The following FBXO4 variants were observed in gnomAD, a reference collection of about 807,000 sequenced individuals.
FBXO4 encodes F-box only protein 4.
In FBXO4, 36 loss-of-function variants were observed where a neutral mutation model predicts 43.7. The observed-to-expected ratio is 0.82, with a 90% CI of 0.63 to 1.09. FBXO4 has a LOEUF of 1.09. Ranked by LOEUF, FBXO4 falls within the 50% of genes least tolerant of loss-of-function variation. The probability of loss-of-function intolerance (pLI) is 0.00; values close to 1 mark genes in which losing one functional copy is unlikely to be tolerated. For synonymous variants in FBXO4, 180 were observed against 165.6 expected (o/e 1.09, Z -0.67); for missense variants, 435 against 474.1 (o/e 0.92, Z 0.77).
chr5:41,930,978 C>T (rs1383326212), intron 3 of FBXO4, among the ~76,000 whole-genome samples: 1 of 152,198 alleles, frequency 6.6e-6, no homozygotes, highest in Non-Finnish European at 1.5e-5. Flanking sequence ...TCTAAAAGCA[C>T]AAAGCTCTGG....
intron 6 of FBXO4, among the ~76,000 whole-genome samples, chr5:41,940,715 C>A (rs763324763): frequency 6.6e-6 from 1 of 152,200 alleles, no homozygotes. Flanking sequence ...TTCCCTGGAG[C>A]TCCAAAGACT....
chr5:42,010,948 A>G, the FBXO4 span, among the ~76,000 whole-genome samples: 4 of 152,006 alleles, frequency 2.6e-5, no homozygotes, highest in African/African-American at 9.7e-5. Flanking sequence ...ACATAGGTAT[A>G]TACGTGCCAT....
chr5:41,931,354 GTTTT>G (rs1751682406), intron 3 of FBXO4, among the ~76,000 whole-genome samples: 1 of 152,238 alleles, frequency 6.6e-6, no homozygotes, highest in South Asian at 2.1e-4. Flanking sequence ...TCTGACTTGA[GTTTT>G]TTGTTGGATG....
At chr5:42,015,278 G>A in the FBXO4 span, among the ~76,000 whole-genome samples, 1 of 152,228 alleles carries the variant, frequency 6.6e-6, no homozygotes, top group African/African-American at 2.4e-5. Flanking sequence ...TTTTGTGTGT[G>A]TGTGAGTGTG....
the FBXO4 span, among the ~76,000 whole-genome samples, chr5:42,038,018 C>A: frequency 1.3e-5 from 2 of 152,104 alleles, no homozygotes; most frequent in African/African-American, 4.8e-5. Context: ...GAAGCATGGG[C>A]AACCCTTTCA....
At chr5:41,964,988 G>A in the FBXO4 span, among the ~76,000 whole-genome samples, 1 of 152,092 alleles carries the variant, frequency 6.6e-6, no homozygotes, top group Non-Finnish European at 1.5e-5. Flanking sequence ...TATTGCCTAG[G>A]TTTTCTTCTA....
At position 41,927,244 on chromosome 5, in the gene FBXO4, G is replaced by A. The variant is rs1561166954; in HGVS notation, c.421G>A (p.Ala141Thr). The A allele has an allele frequency of 6.3e-6, 10 of 1,578,352 alleles. No individual in the cohort carries two copies. Among genetic ancestry groups the A allele is most frequent in the East Asian group, 4.5e-5 (2 of 44,596 alleles). Residue 141 changes from alanine to threonine, a missense_variant, in exon 2 of 7, where the codon GCA becomes ACA. By Grantham distance (58) the Ala-to-Thr change is moderately conservative. Transcript: ENST00000281623. Reference sequence around the variant, plus strand: ...TGATGGTGCATTTTTTGACTACATGGCAGTGTAAGTATCTAGTTTTATGAA... The same window carrying A: ...TGATGGTGCATTTTTTGACTACATGACAGTGTAAGTATCTAGTTTTATGAA... ...VTDGAFFDYM[A>T]VYRMCCPYTR...
chr5:41,930,053 GT>G lies in FBXO4; in HGVS notation c.646+138del. On this transcript the variant is annotated intron_variant, in intron 3 of 6. Coordinates refer to ENST00000281623, the MANE Select transcript of FBXO4 (RefSeq NM_012176.3). ...CTTTGGTTGTTGGGAGCCCTACCAGGTTCCACTGAACTGACAGAATTAATTT... is the reference window on the plus strand; with the variant it reads ...CTTTGGTTGTTGGGAGCCCTACCAGGTCCACTGAACTGACAGAATTAATTT... The G allele has an allele frequency of 6.0e-6, 4 of 661,790 alleles. No homozygotes were observed. The South Asian group carries it at 8.4e-5, about 14-fold the overall frequency. 41.0% of individuals were successfully genotyped at this position (661,790 alleles called of 1,614,324 possible).
the FBXO4 span, among the ~76,000 whole-genome samples, chr5:41,970,789 T>C: frequency 6.6e-6 from 1 of 151,948 alleles, no homozygotes; most frequent in African/African-American, 2.4e-5. Context: ...TTAAATTTAT[T>C]AAGCTTCTAA....
At chr5:42,028,730 G>A in the FBXO4 span, among the ~76,000 whole-genome samples, 3 of 151,482 alleles carry the variant, frequency 2.0e-5, no homozygotes, top group Admixed American at 2.0e-4. Flanking sequence ...CATGAAGGTT[G>A]CAAATACTAT....
the FBXO4 span, among the ~76,000 whole-genome samples, chr5:41,961,518 G>C: frequency 6.6e-6 from 1 of 152,160 alleles, no homozygotes; most frequent in Non-Finnish European, 1.5e-5. Flanking sequence ...CTGCTCCCCT[G>C]TCAGTAACAG....
the FBXO4 span, among the ~76,000 whole-genome samples, chr5:41,983,363 T>C: frequency 2.9e-4 from 44 of 152,222 alleles, 1 homozygote; most frequent in African/African-American, 8.9e-4. Flanking sequence ...GAAGGAGGGG[T>C]TATTATGCAC....
At chr5:41,940,264 T>C (rs1751971628) in intron 6 of FBXO4, among the ~76,000 whole-genome samples, 1 of 152,104 alleles carries the variant, frequency 6.6e-6, no homozygotes, top group South Asian at 2.1e-4. Flanking sequence ...TTCTAAAATA[T>C]ATTTTATTTA....
At chr5:41,930,012 A>G (rs1404682032) in intron 3 of FBXO4, 95 bp downstream of exon 3, 8 of 1,046,196 alleles carry the variant, frequency 7.6e-6, no homozygotes, top group East Asian at 2.5e-5. Flanking sequence ...ATTATTTGCT[A>G]TAATGAAGTA....
the FBXO4 span, among the ~76,000 whole-genome samples, chr5:42,027,399 C>T: frequency 1.3e-5 from 2 of 151,804 alleles, no homozygotes; most frequent in African/African-American, 4.8e-5. Flanking sequence ...GTAATGTCTC[C>T]TATTTTGTTT....
the FBXO4 span, among the ~76,000 whole-genome samples, chr5:41,953,267 A>G: frequency 6.6e-6 from 1 of 150,538 alleles, no homozygotes; most frequent in Admixed American, 6.6e-5. Flanking sequence ...TGTCCTTGCG[A>G]TAGTTTACTG....
chr5:41,938,993 A>G (rs1751925167), intron 5 of FBXO4, among the ~76,000 whole-genome samples: 4 of 152,238 alleles, frequency 2.6e-5, no homozygotes, highest in African/African-American at 4.8e-5. Flanking sequence ...CGTGTCTTAA[A>G]GCCTAATCAT....
the FBXO4 span, among the ~76,000 whole-genome samples, chr5:41,956,806 T>C: frequency 6.6e-6 from 1 of 151,556 alleles, no homozygotes; most frequent in Non-Finnish European, 1.5e-5. Context: ...TCCACCTCTC[T>C]GGTCCAAGTG....
chr5:41,925,488 C>G lies in FBXO4; in HGVS notation c.179C>G (p.Thr60Arg). ...GTGGATGAGGCGGCCAGCACCCTGA[C>G]GCGGCTGCCGGTGAGCGTCGGCCGC... ...EEVDEAASTLTRLPIDVQLYI... is the reference protein window; with the variant it reads ...EEVDEAASTLRRLPIDVQLYI... Residue 60 changes from threonine to arginine, a missense_variant, in exon 1 of 7, where the codon ACG (threonine) becomes AGG (arginine). Thr to Arg is a moderately conservative substitution (Grantham distance 71). Transcript: ENST00000281623. 1 of 1,308,364 alleles carries G rather than the reference C, an allele frequency of 7.6e-7. No homozygotes were observed. The highest frequency in any genetic ancestry group is 9.8e-7 in the Non-Finnish European group (1 of 1,020,418). 81.0% of individuals were successfully genotyped at this position (1,308,364 alleles called of 1,614,324 possible). A position where few individuals can be genotyped will look rare whatever the true frequency, so the allele number is the denominator to read the frequency against.
Sources: gnomAD v4.1 joint callset for allele counts (sites outside exome capture counted in the v4.1 genomes callset) on GRCh38, gnomAD v4.1.1 for gene constraint, MANE v1.5 for transcripts, NCBI Gene and HGNC (gene_info 2026-07-23, HGNC 2026-07-21) for gene names.